Variants in CENPF observed in about 807,000 individuals in gnomAD.
The protein encoded by CENPF is AH antigen.
CENPF carries 214 observed loss-of-function variants against 307.3 expected under a neutral mutation model. That is an observed-to-expected ratio of 0.70 (90% CI 0.62 to 0.78). CENPF has a LOEUF of 0.78. CENPF is among the 30% of genes least tolerant of loss of function. The pLI is 0.00. For synonymous variants in CENPF, 1,259 were observed against 1,270.6 expected (o/e 0.99, Z 0.19); for missense variants, 3,401 against 3,483.9 (o/e 0.98, Z 0.60).
At chr1:214,657,677 A>C (rs922179386) in intron 18 of CENPF, among the ~76,000 whole-genome samples, 14 of 152,192 alleles carry the variant, frequency 9.2e-5, no homozygotes, top group African/African-American at 3.1e-4. Flanking sequence ...ATGCTGAAAA[A>C]AATTATTAAA....
intron 15 of CENPF, 68 bp from the exon 16 acceptor site, chr1:214,652,760 C>A (rs1558190280): frequency 2.1e-6 from 3 of 1,396,570 alleles, no homozygotes; most frequent in African/African-American, 2.9e-5. Context: ...GTTTTTCTGA[C>A]TATTTTTTTT....
chr1:214,656,400 C>T (rs533610044), intron 17 of CENPF, among the ~76,000 whole-genome samples: 1 of 152,264 alleles, frequency 6.6e-6, no homozygotes, highest in South Asian at 2.1e-4. Context: ...TACAAGTTGA[C>T]CAAGATTCCC....
chr1:214,657,410 G>T lies in CENPF; in HGVS notation c.8962+1G>T. 1 of 1,585,772 alleles carries T rather than the reference G, an allele frequency of 6.3e-7. No individual in the cohort carries two copies. The highest frequency in any genetic ancestry group is 8.6e-7 in the Non-Finnish European group (1 of 1,164,348). On this transcript the variant is annotated splice_donor_variant, in intron 18 of 19. Transcript: ENST00000366955. LOFTEE classifies it high-confidence loss of function. Reference sequence around the variant, plus strand: ...GGACTTCCAGAAGTTGTAAAGAAAGGTATGCCTAATTTAAAGACAAAATTA... The same window carrying T: ...GGACTTCCAGAAGTTGTAAAGAAAGTTATGCCTAATTTAAAGACAAAATTA...
At position 214,663,596 on chromosome 1, in the gene CENPF, A is replaced by C. The variant is rs1658840042; in HGVS notation, c.9147A>C (p.Lys3049Asn). The C allele has an allele frequency of 6.2e-7, 1 of 1,613,990 alleles. No homozygotes were observed. The stretch of plus-strand genomic sequence containing the variant: ...CAGAGATGTTTGTGTTGCAGGTCAA[A>C]GTTGCTCAGCGGAGCCCAGTAGATT... ...TAGGSRSQKV[K>N]VAQRSPVDSG... The change falls in exon 20 of 20, where the codon AAA becomes AAC. Residue 3049 changes from lysine to asparagine, a missense_variant. By Grantham distance (94) the Lys-to-Asn change is moderately conservative. Coordinates refer to ENST00000366955, the MANE Select transcript of CENPF (RefSeq NM_016343.4).
chr1:214,633,455 T>C (rs551933752), intron 10 of CENPF, among the ~76,000 whole-genome samples: 1 of 152,350 alleles, frequency 6.6e-6, no homozygotes, highest in South Asian at 2.1e-4. Flanking sequence ...ATGGTAGAAA[T>C]TTCTTCTCCA....
intron 6 of CENPF, 152 bp from the exon 7 acceptor site, chr1:214,621,927 T>C (rs1657516379): frequency 4.7e-6 from 3 of 637,040 alleles, no homozygotes; most frequent in Admixed American, 3.4e-5. Context: ...AAACTAACTA[T>C]TGAAATTAAA....
chr1:214,657,522 A>C, intron 18 of CENPF, 113 bp downstream of exon 18: 1 of 743,212 alleles, frequency 1.3e-6, no homozygotes, highest in Non-Finnish European at 2.2e-6. Flanking sequence ...CAATAATCTC[A>C]TTGACGTTCA....
intron 18 of CENPF, 32 bp from the exon 19 acceptor site, chr1:214,658,818 G>C: frequency 6.2e-7 from 1 of 1,605,326 alleles, no homozygotes; most frequent in Non-Finnish European, 8.5e-7. Flanking sequence ...ATTGGACCTA[G>C]CAGTGCTGAC....
At chr1:214,618,807 A>G (rs938347611) in intron 4 of CENPF, 113 bp downstream of exon 4, 1 of 1,073,646 alleles carries the variant, frequency 9.3e-7, no homozygotes, top group Non-Finnish European at 1.3e-6. Context: ...GTATATGTTT[A>G]AAAACTGCAG....
chr1:214,630,433 T>C (rs910310354), intron 8 of CENPF, 101 bp from the exon 9 acceptor site: 46 of 1,421,712 alleles, frequency 3.2e-5, no homozygotes, highest in African/African-American at 3.0e-4. Flanking sequence ...TGCTGTCTCC[T>C]GTGCTCTCTG....
chr1:214,656,861 C>A, intron 17 of CENPF, 72 bp from the exon 18 acceptor site: 1 of 984,314 alleles, frequency 1.0e-6, no homozygotes. Context: ...CTAAGATTAT[C>A]TGCTTCACGA....
At chr1:214,652,067 G>GATTTT (rs1658479065) in intron 15 of CENPF, among the ~76,000 whole-genome samples, 181 bp downstream of exon 15, 1 of 114,038 alleles carries the variant, frequency 8.8e-6, no homozygotes, top group African/African-American at 4.0e-5. Context: ...TTTATCAGTT[G>GATTTT]ATTTTTTTTT....
intron 1 of CENPF, chr1:214,608,963 G>C (rs1226433564): frequency 1.8e-5 from 17 of 960,142 alleles, no homozygotes; most frequent in Non-Finnish European, 2.4e-5. Flanking sequence ...CGCCCCCCCA[G>C]CTACGGCCCC....
At chr1:214,631,448 C>T (rs980646617) in intron 9 of CENPF, among the ~76,000 whole-genome samples, 1 of 152,134 alleles carries the variant, frequency 6.6e-6, no homozygotes, top group Non-Finnish European at 1.5e-5. Context: ...AAATTTATAG[C>T]CTAAAGAACA....
chr1:214,605,412 T>TA (rs566948083), intron 1 of CENPF: 240 of 452,250 alleles, frequency 5.3e-4, no homozygotes, highest in Non-Finnish European at 8.8e-4. Context: ...CATACATCCG[T>TA]AAGTGCCTGA....
At chr1:214,605,772 C>A in intron 1 of CENPF, 4 of 1,593,290 alleles carry the variant, frequency 2.5e-6, no homozygotes, top group Non-Finnish European at 3.4e-6. Flanking sequence ...GTGCCCTCCA[C>A]CCACAGCGGC....
At chr1:214,649,140 C>T (rs1658395452) in intron 14 of CENPF, among the ~76,000 whole-genome samples, 1 of 152,178 alleles carries the variant, frequency 6.6e-6, no homozygotes, top group Non-Finnish European at 1.5e-5. Flanking sequence ...CCGCTTTCAA[C>T]AAGTTTATCT....
rs543973298 is a variant in CENPF at position 214,651,724 on chromosome 1, G to T, written c.7998G>T (p.Glu2666Asp). Residue 2666 changes from glutamate (E) to aspartate (D), a missense_variant, in exon 15 of 20, where the codon GAG (glutamate) becomes GAT (aspartate). By Grantham distance (45) the Glu-to-Asp change is conservative. Transcript: ENST00000366955. The stretch of plus-strand genomic sequence containing the variant: ...TTTCTGTTTAGGATCAATTGAAGGA[G>T]CTCACACTAGAAAATAGTGAATTGA... ...EIKSSKDQLK[E>D]LTLENSELKK... The T allele has an allele frequency of 2.5e-6, 4 of 1,588,930 alleles. No homozygotes were observed. The East Asian group carries it at 9.0e-5, about 36-fold the overall frequency.
At chr1:214,630,771 A>G (rs1254515265) in intron 9 of CENPF, 109 bp downstream of exon 9, 10 of 1,356,462 alleles carry the variant, frequency 7.4e-6, no homozygotes, top group Admixed American at 2.3e-5. Flanking sequence ...AAAGCGCTCC[A>G]CCTTCACTTT....
Sources: gnomAD v4.1 joint callset for allele counts (sites outside exome capture counted in the v4.1 genomes callset) on GRCh38, gnomAD v4.1.1 for gene constraint, MANE v1.5 for transcripts, NCBI Gene and HGNC (gene_info 2026-07-23, HGNC 2026-07-21) for gene names.